The following ABCA9 variants were observed in gnomAD, a reference collection of about 807,000 sequenced individuals.
ABCA9 encodes the protein ATP-binding cassette sub-family A member 9.
Under a neutral mutation model 205.3 loss-of-function variants are expected in ABCA9, and 183 were observed. The observed-to-expected ratio is 0.89, with a 90% CI of 0.79 to 1.01. The LOEUF (loss-of-function observed/expected upper bound fraction) is 1.01, where lower values mean the gene tolerates loss of function less well. ABCA9 is among the 50% of genes least tolerant of loss of function. The pLI is 0.00. For synonymous variants in ABCA9, 651 were observed against 683.3 expected, an observed-to-expected ratio of 0.95 and a Z score of 0.74; for missense variants, 1,805 against 1,912.4, an observed-to-expected ratio of 0.94 and a Z score of 1.05.
intron 34 of ABCA9, among the ~76,000 whole-genome samples, chr17:68,984,521 T>A (rs1471481966): frequency 6.6e-6 from 1 of 152,142 alleles, no homozygotes; most frequent in Non-Finnish European, 1.5e-5. Context: ...TTCAGAAACT[T>A]CCCAAAAATA....
At chr17:69,059,047 T>G (rs180948126) in intron 1 of ABCA9, among the ~76,000 whole-genome samples, 40 of 152,214 alleles carry the variant, frequency 2.6e-4, no homozygotes, top group African/African-American at 9.6e-4. Flanking sequence ...ACTTGAATAC[T>G]ATCATGAGAA....
the ABCA9 span, among the ~76,000 whole-genome samples, chr17:69,066,586 C>CTA: frequency 6.7e-6 from 1 of 148,934 alleles, no homozygotes; most frequent in Non-Finnish European, 1.5e-5. Flanking sequence ...CTGCGTAAGA[C>CTA]GGTATTGGAT....
intron 25 of ABCA9, 67 bp downstream of exon 25, chr17:69,007,692 C>T: frequency 9.4e-7 from 1 of 1,066,190 alleles, no homozygotes; most frequent in South Asian, 1.4e-5. Flanking sequence ...CTGCTTAGCA[C>T]AAAGATTAAA....
chr17:69,048,831 G>A (rs756576642), intron 3 of ABCA9, among the ~76,000 whole-genome samples: 16 of 152,186 alleles, frequency 1.1e-4, no homozygotes, highest in Admixed American at 1.3e-4. Flanking sequence ...GAAAAACCAC[G>A]CCAATCTTGT....
chr17:68,976,039 G>C, intron 38 of ABCA9, 26 bp from the exon 39 acceptor site: 2 of 1,608,370 alleles, frequency 1.2e-6, no homozygotes, highest in South Asian at 1.1e-5. Flanking sequence ...GAAATAAAGA[G>C]AGGAGAACAA....
At chr17:69,008,354 T>G in intron 23 of ABCA9, 119 bp from the exon 24 acceptor site, 1 of 898,176 alleles carries the variant, frequency 1.1e-6, no homozygotes, top group East Asian at 2.6e-5. Flanking sequence ...ATTATCCTGA[T>G]TTAGCAAATG....
At chr17:69,059,586 G>A (rs1254656420) in intron 1 of ABCA9, among the ~76,000 whole-genome samples, 6 of 151,986 alleles carry the variant, frequency 3.9e-5, no homozygotes, top group Admixed American at 6.6e-5. Flanking sequence ...GATGTTAGCC[G>A]AGTGAGAACC....
chr17:69,035,548 A>C, intron 7 of ABCA9, 112 bp downstream of exon 7: 1 of 1,455,978 alleles, frequency 6.9e-7, no homozygotes, highest in Non-Finnish European at 9.2e-7. Context: ...ACACTGTTTC[A>C]TGCAAATACT....
intron 25 of ABCA9, among the ~76,000 whole-genome samples, chr17:68,996,660 TGA>T (rs2144074572): frequency 6.6e-6 from 1 of 152,340 alleles, no homozygotes; most frequent in South Asian, 2.1e-4. Context: ...CACACATCAT[TGA>T]CACAGGAGGT....
the ABCA9 span, among the ~76,000 whole-genome samples, chr17:69,070,333 C>T: frequency 6.6e-6 from 1 of 152,136 alleles, no homozygotes; most frequent in Non-Finnish European, 1.5e-5. Flanking sequence ...CCCTGGTCTG[C>T]AGCTCCTAGC....
In ABCA9 at chr17:68,981,337, GAAAA is replaced by G. The variant is rs534131495; in HGVS notation, c.4720+1221_4720+1224del. ...TAAGTATGTGATGTGAAAAAAAAAA[GAAAA>G]AAGAAAGCAGAAACATGAGCAGCCT... On this transcript the variant is annotated intron_variant, in intron 37 of 38. Coordinates refer to ENST00000340001, the MANE Select transcript of ABCA9 (RefSeq NM_080283.4). Among the ~76,000 whole-genome samples, 258 of 151,454 alleles carry G rather than the reference GAAAA, an allele frequency of 1.7e-3. 1 individual carries two copies. The highest frequency in any genetic ancestry group is 6.0e-3 in the African/African-American group (249 of 41,280).
chr17:69,033,659 T>G, intron 9 of ABCA9, 67 bp downstream of exon 9: 1 of 1,339,444 alleles, frequency 7.5e-7, no homozygotes, highest in Non-Finnish European at 1.0e-6. Context: ...TTTAGTACAT[T>G]GTAGAGTTGT....
chr17:69,053,246 T>C (rs1156228691), intron 1 of ABCA9, among the ~76,000 whole-genome samples: 1 of 152,126 alleles, frequency 6.6e-6, no homozygotes, highest in East Asian at 1.9e-4. Context: ...CCTGAAGCAA[T>C]CTAGGGGATT....
chr17:68,990,913 G>A lies in ABCA9; in HGVS notation c.3761C>T (p.Pro1254Leu). 6.2e-7 allele frequency: 1 copy of A among 1,613,730 alleles called. No individual in the cohort carries two copies. The highest frequency in any genetic ancestry group is 1.1e-5 in the South Asian group (1 of 91,034). Residue 1254 changes from proline (P) to leucine (L), a missense_variant, in exon 29 of 39, where the codon CCT becomes CTT. Pro to Leu is a moderately conservative substitution (Grantham distance 98, BLOSUM62 -3). Coordinates refer to ENST00000340001, the MANE Select transcript of ABCA9 (RefSeq NM_080283.4). ...SNAIFPNPEEPEGEEEDIQME... is the reference protein window; with the variant it reads ...SNAIFPNPEELEGEEEDIQME... The stretch of plus-strand genomic sequence containing the variant: ...CTGGATATCTTCCTCCTCTCCTTCA[G>A]GCTCTTCTGGGTTTGGAAAAATAGC...
rs556952935 is a variant in ABCA9, at chr17:69,038,370, T to C, written c.801-2569A>G. Among the ~76,000 whole-genome samples the C allele has an allele frequency of 5.9e-5, 9 of 152,244 alleles. No individual in the cohort carries two copies. In the East Asian group the frequency reaches 1.7e-3, roughly 29 times the overall value. ...AGCACATCAAAAAGTTTATCCACCATGATCAACTTGGCTTCATCCCCGGGA... is the reference window on the plus strand; with the variant it reads ...AGCACATCAAAAAGTTTATCCACCACGATCAACTTGGCTTCATCCCCGGGA... On this transcript the variant is annotated intron_variant, in intron 6 of 38. Transcript: ENST00000340001.
At chr17:69,068,918 A>G in the ABCA9 span, among the ~76,000 whole-genome samples, 8 of 152,332 alleles carry the variant, frequency 5.3e-5, no homozygotes, top group South Asian at 1.4e-3. Context: ...ATCAGAGCTA[A>G]GTTCCCTAAA....
At chr17:69,045,429 A>G (rs368303807) in intron 3 of ABCA9, 93 bp from the exon 4 acceptor site, 31 of 1,001,826 alleles carry the variant, frequency 3.1e-5, no homozygotes, top group Middle Eastern at 2.7e-4. Context: ...TGTTAAAGCT[A>G]TTCCTTCCTA....
rs186180399 is a variant in ABCA9 at position 69,013,884 on chromosome 17, C to G, written c.3040-1801G>C. On this transcript the variant is annotated intron_variant, in intron 22 of 38. Coordinates refer to ENST00000340001, the MANE Select transcript of ABCA9 (RefSeq NM_080283.4). The stretch of plus-strand genomic sequence containing the variant: ...CTTACAAAATTGTAACAGAGAATGC[C>G]AGGAGCTGGGTGGGGAAACCAGAGG... Among the ~76,000 whole-genome samples the G allele has an allele frequency of 4.1e-3, 623 of 152,110 alleles. 3 individuals carry two copies. Among genetic ancestry groups the G allele is most frequent in the African/African-American group, 0.014 (600 of 41,506 alleles).
chr17:69,056,664 G>T (rs2072078562), intron 1 of ABCA9, among the ~76,000 whole-genome samples: 1 of 152,126 alleles, frequency 6.6e-6, no homozygotes, highest in South Asian at 2.1e-4. Flanking sequence ...ATACAATTCT[G>T]AATCTTTGTT....
Sources: allele counts gnomAD v4.1 joint callset (sites outside exome capture counted in the v4.1 genomes callset), GRCh38; gene constraint gnomAD v4.1.1; transcripts MANE v1.5; gene names NCBI Gene and HGNC (gene_info 2026-07-23, HGNC 2026-07-21).